Variants in SMARCAL1 observed in about 807,000 individuals in gnomAD.
SMARCAL1 encodes ATP-driven annealing helicase.
SMARCAL1 carries 58 observed loss-of-function variants against 94.5 expected under a neutral mutation model. That is an observed-to-expected ratio of 0.61 (90% CI 0.50 to 0.76). SMARCAL1 has a LOEUF of 0.76. SMARCAL1 is among the 30% of genes least tolerant of loss of function. The pLI is 0.00. For synonymous variants in SMARCAL1, 422 were observed against 455.1 expected (o/e 0.93, Z 0.93); for missense variants, 1,051 against 1,177.9 (o/e 0.89, Z 1.58).
intron 4 of SMARCAL1, among the ~76,000 whole-genome samples, chr2:216,418,212 C>T (rs971649530): frequency 6.6e-6 from 1 of 152,174 alleles, no homozygotes; most frequent in Non-Finnish European, 1.5e-5. Context: ...AGACACTGTG[C>T]CCGACTATCA....
chr2:216,417,308 G>A (rs947595058), intron 4 of SMARCAL1, among the ~76,000 whole-genome samples: 15 of 152,202 alleles, frequency 9.9e-5, no homozygotes, highest in African/African-American at 3.4e-4. Context: ...GTTAGTTTGC[G>A]AGGGCTGCCG....
intron 3 of SMARCAL1, chr2:216,416,028 A>C: frequency 2.0e-6 from 1 of 500,186 alleles, no homozygotes; most frequent in South Asian, 2.0e-5. Flanking sequence ...CAGTCCTCTT[A>C]GGTGAAGTTC....
chr2:216,476,262 C>T (rs1193143781), intron 15 of SMARCAL1, among the ~76,000 whole-genome samples: 1 of 151,504 alleles, frequency 6.6e-6, no homozygotes, highest in Non-Finnish European at 1.5e-5. Context: ...ATGGGTAGAC[C>T]TTGAGGGTGT....
chr2:216,436,480 C>T lies in SMARCAL1; in HGVS notation c.1644+984C>T, dbSNP rs575444750. On this transcript the variant is annotated intron_variant, in intron 9 of 17. Transcript: ENST00000357276. ...GCTTAGAGAAAGGAAGGAGAAGATA[C>T]CGTTACTGACCTCAGGGGATCTATT... 2.7e-4 allele frequency among the ~76,000 whole-genome samples: 41 copies of T among 152,302 alleles called. 1 individual carries two copies. The Middle Eastern group carries it at 0.014, about 51-fold the overall frequency.
chr2:216,455,916 A>G (rs559645701), intron 12 of SMARCAL1, among the ~76,000 whole-genome samples: 2 of 152,350 alleles, frequency 1.3e-5, no homozygotes, highest in South Asian at 4.1e-4. Context: ...TAAAGGAGGA[A>G]GTTTGAACCC....
rs906566016 is a variant in SMARCAL1, at chr2:216,478,386, G to A, written c.2625+87G>A. Reference sequence around the variant, plus strand: ...GTCTTTGGGTCCTGAGTAGGAGGATGTGAATCACTCCTAGGGACCTCCCCC... The same window carrying A: ...GTCTTTGGGTCCTGAGTAGGAGGATATGAATCACTCCTAGGGACCTCCCCC... On this transcript the variant is annotated intron_variant, in intron 17 of 17. Transcript: ENST00000357276. The A allele has an allele frequency of 8.9e-6, 9 of 1,006,258 alleles. No individual in the cohort carries two copies. In the Admixed American group the frequency reaches 1.2e-4, roughly 13 times the overall value. The allele number at this position is 1,006,258 out of a possible 1,614,324, so 62.3% of individuals were successfully genotyped here. A position where few individuals can be genotyped will look rare whatever the true frequency, so the allele number is the denominator to read the frequency against.
At chr2:216,465,741 A>C (rs1167417616) in intron 13 of SMARCAL1, among the ~76,000 whole-genome samples, 1 of 152,100 alleles carries the variant, frequency 6.6e-6, no homozygotes. Flanking sequence ...TAATGGTCCA[A>C]CTGATGAAAT....
intron 14 of SMARCAL1, among the ~76,000 whole-genome samples, chr2:216,473,032 T>C (rs145130239): frequency 3.7e-4 from 56 of 152,334 alleles, no homozygotes; most frequent in African/African-American, 1.3e-3. Flanking sequence ...ATTCTTGAGG[T>C]ATAATTGACA....
chr2:216,453,058 T>C (rs1438955662), intron 12 of SMARCAL1, among the ~76,000 whole-genome samples: 1 of 152,236 alleles, frequency 6.6e-6, no homozygotes, highest in East Asian at 1.9e-4. Context: ...ATAGTGCCAG[T>C]TGCCCAGAAT....
chr2:216,450,339 A>G (rs1430629495), intron 11 of SMARCAL1, among the ~76,000 whole-genome samples: 3 of 152,188 alleles, frequency 2.0e-5, no homozygotes, highest in African/African-American at 7.2e-5. Context: ...AGTTACTTTT[A>G]TTATATTGTA....
chr2:216,468,149 G>A (rs895975138), intron 14 of SMARCAL1, 103 bp downstream of exon 14: 33 of 775,550 alleles, frequency 4.3e-5, no homozygotes, highest in African/African-American at 6.9e-5. Context: ...GATGGCTTCC[G>A]GAAGCATTGC....
chr2:216,456,600 C>T (rs1694574859), intron 12 of SMARCAL1, among the ~76,000 whole-genome samples: 1 of 152,138 alleles, frequency 6.6e-6, no homozygotes, highest in Non-Finnish European at 1.5e-5. Flanking sequence ...AACTAAGCTT[C>T]ATAAGTGAAG....
chr2:216,432,729 C>T lies in SMARCAL1; in HGVS notation c.1346C>T (p.Ala449Val). 1 of 1,614,088 alleles carries T rather than the reference C, an allele frequency of 6.2e-7. No homozygotes were observed. Among genetic ancestry groups the T allele is most frequent in the Non-Finnish European group, 8.5e-7 (1 of 1,180,036 alleles). The change falls in exon 8 of 18, where the codon GCC becomes GTC. Residue 449 changes from alanine to valine, a missense_variant. By Grantham distance (64) the Ala-to-Val change is moderately conservative. This residue lies in a region of SMARCAL1 where 642 missense variants were observed against 754.7 expected (regional missense o/e 0.85). Coordinates refer to ENST00000357276, the MANE Select transcript of SMARCAL1 (RefSeq NM_014140.4). ...TTGTCTGCCTTCAGTTTTGCCATAGCCAAAGGAGGCCGCCTGCTGCTCGCT... is the reference window on the plus strand; with the variant it reads ...TTGTCTGCCTTCAGTTTTGCCATAGTCAAAGGAGGCCGCCTGCTGCTCGCT... ...FQRAGVNFAI[A>V]KGGRLLLADD...
In SMARCAL1 at chr2:216,475,315, G is replaced by A. The variant is rs267607071; in HGVS notation, c.2291G>A (p.Arg764Gln). 49 of 1,614,076 alleles carry A rather than the reference G, an allele frequency of 3.0e-5. No homozygotes were observed. The highest frequency in any genetic ancestry group is 3.8e-5 in the Non-Finnish European group (45 of 1,180,048). Residue 764 changes from arginine to glutamine, a missense_variant, in exon 15 of 18, where the codon CGG (arginine) becomes CAG (glutamine). Arg to Gln is a conservative substitution (Grantham distance 43). Around this residue, in one of 3 missense-constraint regions of SMARCAL1, gnomAD observed 642 missense variants for 754.7 expected, o/e 0.85. Transcript: ENST00000357276. The surrounding 1 kb of genome is among the most constrained non-coding windows in gnomAD (Gnocchi z 4.4). ...RIDGSTSSAE[R>Q]EDLCQQFQLS... ...GATGGCTCCACCTCATCAGCTGAGC[G>A]GGAGGACCTGTGCCAGCAGTTCCAA...
At chr2:216,424,232 T>A (rs11892361) in intron 6 of SMARCAL1, among the ~76,000 whole-genome samples, 26,260 of 152,154 alleles carry the variant, frequency 0.17, 2,567 homozygotes, top group East Asian at 0.31. Flanking sequence ...ACAGATAGCA[T>A]AAGTGCAAGA....
At chr2:216,439,925 G>C (rs578213394) in intron 10 of SMARCAL1, among the ~76,000 whole-genome samples, 2 of 152,158 alleles carry the variant, frequency 1.3e-5, no homozygotes, top group African/African-American at 4.8e-5. Flanking sequence ...AGCCAGGCAT[G>C]GTGGTGCACA....
At chr2:216,432,453 C>T (rs558989730) in intron 7 of SMARCAL1, among the ~76,000 whole-genome samples, 4 of 152,184 alleles carry the variant, frequency 2.6e-5, no homozygotes, top group African/African-American at 4.8e-5. Flanking sequence ...TTGGCCTCCA[C>T]GACCTAATCA....
intron 3 of SMARCAL1, among the ~76,000 whole-genome samples, chr2:216,415,760 C>T (rs1693585063): frequency 6.6e-6 from 1 of 152,234 alleles, no homozygotes; most frequent in African/African-American, 2.4e-5. Flanking sequence ...AAGACGCTTC[C>T]TCTGCCAGGT....
chr2:216,460,131 A>G (rs567981655), intron 12 of SMARCAL1, among the ~76,000 whole-genome samples: 2 of 152,294 alleles, frequency 1.3e-5, no homozygotes, highest in East Asian at 1.9e-4. Flanking sequence ...CAAAACCACA[A>G]TGAGATACCA....
Sources: gnomAD v4.1 joint callset for allele counts (sites outside exome capture counted in the v4.1 genomes callset) on GRCh38, gnomAD v4.1.1 for gene constraint, gnomAD v4.1.1 regional missense constraint, Gnocchi (gnomAD v3.1) non-coding constraint, MANE v1.5 for transcripts, NCBI Gene and HGNC (gene_info 2026-07-23, HGNC 2026-07-21) for gene names.